The following ADGRL3 variants were observed in gnomAD, a reference collection of about 807,000 sequenced individuals.
The protein encoded by ADGRL3 is calcium-independent alpha-latrotoxin receptor 3.
A neutral mutation model predicts 153.5 loss-of-function variants in ADGRL3; 62 were observed. The ratio of observed to expected loss-of-function variants is 0.40; its 90% CI spans 0.33 to 0.50. The LOEUF is 0.50. ADGRL3 is among the 20% of genes least tolerant of loss of function. ADGRL3 has a pLI of 0.47. For synonymous variants in ADGRL3, 710 were observed against 672.5 expected (o/e 1.06, Z -0.86); for missense variants, 1,641 against 1,859.4 (o/e 0.88, Z 2.16).
At chr4:61,479,875 T>G (rs566952669) in intron 2 of ADGRL3, among the ~76,000 whole-genome samples, 14 of 152,300 alleles carry the variant, frequency 9.2e-5, no homozygotes, top group African/African-American at 3.4e-4. Context: ...AATTTTAAGC[T>G]TCTTTAAATT....
At chr4:61,209,738 A>G (rs972052344) in intron 1 of ADGRL3, among the ~76,000 whole-genome samples, 4 of 152,144 alleles carry the variant, frequency 2.6e-5, no homozygotes, top group African/African-American at 7.2e-5. Context: ...CATCCACCAA[A>G]TACTGTGTCC....
intron 6 of ADGRL3, among the ~76,000 whole-genome samples, chr4:61,722,059 G>A (rs148068817): frequency 6.5e-4 from 99 of 152,180 alleles, no homozygotes; most frequent in African/African-American, 2.3e-3. Context: ...TTATAAATGA[G>A]AAAAATGAAG....
intron 2 of ADGRL3, among the ~76,000 whole-genome samples, chr4:61,466,304 C>A (rs889270613): frequency 1.3e-5 from 2 of 151,952 alleles, no homozygotes; most frequent in South Asian, 4.2e-4. Flanking sequence ...GAAAAATTGT[C>A]GTCTCTAAAA....
intron 1 of ADGRL3, among the ~76,000 whole-genome samples, chr4:61,213,774 T>G (rs566407100): frequency 3.9e-5 from 6 of 152,212 alleles, no homozygotes; most frequent in Admixed American, 1.3e-4. Context: ...CATTTACTTA[T>G]TCATGTGGGT....
chr4:62,060,040 A>C (rs1739224988), intron 25 of ADGRL3, among the ~76,000 whole-genome samples: 1 of 151,906 alleles, frequency 6.6e-6, no homozygotes, highest in Non-Finnish European at 1.5e-5. Flanking sequence ...TCTTTTTTTG[A>C]ATGATTAATC....
intron 6 of ADGRL3, among the ~76,000 whole-genome samples, chr4:61,726,199 C>CTTTTTTTTTTTTTTTTTTTTTTTTTTTT (rs1012113549): frequency 2.4e-5 from 2 of 82,994 alleles, no homozygotes; most frequent in Admixed American, 1.4e-4. Context: ...CTCACTGGAA[C>CTTTTTTTTTTTTTTTTTTTTTTTTTTTT]TTTTTTTTTT....
intron 1 of ADGRL3, among the ~76,000 whole-genome samples, chr4:61,215,177 G>A (rs1338090420): frequency 6.6e-6 from 1 of 152,152 alleles, no homozygotes; most frequent in Non-Finnish European, 1.5e-5. Flanking sequence ...CTAGCAGTCA[G>A]AGTGGAAACA....
chr4:61,955,246 C>T (rs2098961795), intron 17 of ADGRL3, among the ~76,000 whole-genome samples: 2 of 152,070 alleles, frequency 1.3e-5, no homozygotes, highest in Non-Finnish European at 2.9e-5. Context: ...TAGCCCTTAG[C>T]TTTCAAACTA....
chr4:61,856,604 CTTTTTTTTTTT>C (rs1157019252), intron 9 of ADGRL3, among the ~76,000 whole-genome samples: 521 of 15,502 alleles, frequency 0.034, 3 homozygotes, highest in African/African-American at 0.081. Context: ...CTCTCTCTCT[CTTTTTTTTTTT>C]TTTTTTTTTT....
intron 17 of ADGRL3, among the ~76,000 whole-genome samples, chr4:61,949,469 G>C (rs188016069): frequency 2.6e-5 from 4 of 152,050 alleles, no homozygotes; most frequent in African/African-American, 9.7e-5. Flanking sequence ...AGGCCAAGAC[G>C]GGAGGATCAT....
rs1734244899 is a variant in ADGRL3 at position 61,200,425 on chromosome 4, C to G, written c.-1580C>G. On this transcript the variant is annotated 5_prime_UTR_variant, in exon 1 of 27. Coordinates refer to ENST00000683033, the MANE Select transcript of ADGRL3 (RefSeq NM_001387552.1). The stretch of plus-strand genomic sequence containing the variant: ...TGACCCGCTGTCTGCGCGTCGCCCC[C>G]CTCGCCTGCTGGCCCGGCACCGCTC... 1.3e-5 allele frequency among the ~76,000 whole-genome samples: 2 copies of G among 151,928 alleles called. No homozygotes were observed. The highest frequency in any genetic ancestry group is 4.1e-4 in the South Asian group (2 of 4,834).
intron 1 of ADGRL3, among the ~76,000 whole-genome samples, chr4:61,304,598 A>G (rs574833839): frequency 1.3e-5 from 2 of 151,968 alleles, no homozygotes; most frequent in African/African-American, 4.8e-5. Context: ...TAACTTTCAC[A>G]TTTTCATTTT....
At chr4:61,272,582 C>T (rs2093252024) in intron 1 of ADGRL3, among the ~76,000 whole-genome samples, 1 of 152,062 alleles carries the variant, frequency 6.6e-6, no homozygotes, top group African/African-American at 2.4e-5. Flanking sequence ...AACATTTCCT[C>T]AGACAGCATG....
chr4:61,436,420 T>A (rs974927557), intron 2 of ADGRL3, among the ~76,000 whole-genome samples: 3 of 152,334 alleles, frequency 2.0e-5, no homozygotes, highest in Admixed American at 2.0e-4. Flanking sequence ...TTATACCAGC[T>A]GGTAATTATT....
chr4:61,254,853 C>T lies in ADGRL3; in HGVS notation c.-240+53088C>T, dbSNP rs184311484. The stretch of plus-strand genomic sequence containing the variant: ...TTCTTCCTTGTGGATCACCTCAGAA[C>T]CTTTTACATTTTTTCCAGTTTATTT... On this transcript the variant is annotated intron_variant, in intron 1 of 26. Transcript: ENST00000683033. Among the ~76,000 whole-genome samples the T allele has an allele frequency of 6.8e-4, 104 of 152,220 alleles. 1 individual carries two copies. Among genetic ancestry groups the T allele is most frequent in the Non-Finnish European group, 3.7e-4 (25 of 68,002 alleles).
chr4:62,053,159 T>C (rs1424466982), intron 25 of ADGRL3, among the ~76,000 whole-genome samples: 1 of 151,442 alleles, frequency 6.6e-6, no homozygotes, highest in Non-Finnish European at 1.5e-5. Flanking sequence ...TAGGCTGTAT[T>C]AATTTCTGTC....
At chr4:61,366,909 C>T (rs904178922) in intron 1 of ADGRL3, among the ~76,000 whole-genome samples, 6 of 152,118 alleles carry the variant, frequency 3.9e-5, no homozygotes, top group Non-Finnish European at 7.4e-5. Context: ...GTAGTAGGAA[C>T]AATATTTAAC....
intron 9 of ADGRL3, among the ~76,000 whole-genome samples, chr4:61,824,038 G>A (rs944351009): frequency 4.7e-5 from 7 of 149,898 alleles, no homozygotes; most frequent in African/African-American, 1.7e-4. Context: ...CTCCAGTCTG[G>A]GCGACAGAGC....
chr4:61,243,098 T>A (rs1327177893), intron 1 of ADGRL3, among the ~76,000 whole-genome samples: 1 of 152,080 alleles, frequency 6.6e-6, no homozygotes, highest in Non-Finnish European at 1.5e-5. Flanking sequence ...ATATTAGACA[T>A]GAACATTTAA....
Sources: allele counts gnomAD v4.1 joint callset (sites outside exome capture counted in the v4.1 genomes callset), GRCh38; gene constraint gnomAD v4.1.1; transcripts MANE v1.5; gene names NCBI Gene and HGNC (gene_info 2026-07-23, HGNC 2026-07-21).